PRRC2B: variants seen among roughly 807,000 people sequenced by gnomAD.
PRRC2B encodes the protein protein PRRC2B.
A neutral mutation model predicts 242.3 loss-of-function variants in PRRC2B; 68 were observed. The ratio of observed to expected loss-of-function variants is 0.28; its 90% CI spans 0.23 to 0.34. The LOEUF (loss-of-function observed/expected upper bound fraction) is 0.34. PRRC2B is among the 10% of genes least tolerant of loss of function. The pLI is 1.00. For synonymous variants in PRRC2B, 1,228 were observed against 1,173.6 expected, an observed-to-expected ratio of 1.05 and a Z score of -0.95; for missense variants, 2,835 against 2,954.8, an observed-to-expected ratio of 0.96 and a Z score of 0.94.
At chr9:131,390,909 C>A (rs1415908504), upstream of PRRC2B, among the ~76,000 whole-genome samples, 1 of 150,036 alleles carries the variant, frequency 6.7e-6, no homozygotes, top group East Asian at 2.0e-4. Flanking sequence ...GCCTCAGCTT[C>A]TTGAGTAGCT....
intron 1 of PRRC2B, among the ~76,000 whole-genome samples, chr9:131,425,871 T>C (rs544200113): frequency 6.6e-6 from 1 of 151,496 alleles, no homozygotes; most frequent in African/African-American, 2.4e-5. Flanking sequence ...TAGCTGGGCA[T>C]GGTGGTTCAC....
intron 1 of PRRC2B, among the ~76,000 whole-genome samples, chr9:131,403,497 G>A (rs1837279355): frequency 6.6e-6 from 1 of 151,616 alleles, no homozygotes; most frequent in Non-Finnish European, 1.5e-5. Flanking sequence ...GAGTACAGGT[G>A]CATCCCGCCA....
At chr9:131,481,600 C>T (rs1328108390) in intron 19 of PRRC2B, 126 bp from the exon 20 acceptor site, 7 of 729,424 alleles carry the variant, frequency 9.6e-6, no homozygotes, top group South Asian at 1.6e-5. Context: ...GCTGGGGTGG[C>T]GGGTGCAGGG....
Position 131,482,810 on chromosome 9 carries a change from G to A in PRRC2B, c.5276G>A (p.Arg1759Gln), listed in dbSNP as rs752997678. 5 of 1,609,112 alleles carry A rather than the reference G, an allele frequency of 3.1e-6. No individual in the cohort carries two copies. Among genetic ancestry groups the A allele is most frequent in the East Asian group, 2.2e-5 (1 of 44,658 alleles). The change falls in exon 22 of 32, where the codon CGG becomes CAG. Residue 1759 changes from arginine to glutamine, a missense_variant. By Grantham distance (43) the Arg-to-Gln change is conservative. Transcript: ENST00000683519. The surrounding 1 kb of genome is among the most constrained non-coding windows in gnomAD (Gnocchi z 5.2). Reference protein sequence around the residue: ...KNRKGSEGAERLQGAVVPPVN... With the variant: ...KNRKGSEGAEQLQGAVVPPVN... ...AGAAAGGGCTCGGAGGGGGCCGAGC[G>A]GCTGCAAGGGGCTGTCGTCCCGCCT...
intron 1 of PRRC2B, among the ~76,000 whole-genome samples, chr9:131,421,248 G>T (rs1324171568): frequency 1.3e-5 from 2 of 152,136 alleles, no homozygotes; most frequent in Non-Finnish European, 2.9e-5. Flanking sequence ...AGTGACACAG[G>T]GTCTGGCACA....
chr9:131,397,742 A>G (rs1339990907), intron 1 of PRRC2B, among the ~76,000 whole-genome samples: 5 of 152,090 alleles, frequency 3.3e-5, no homozygotes, highest in Non-Finnish European at 7.4e-5. Flanking sequence ...TCTGAATTCA[A>G]TAATGAGGCT....
intron 4 of PRRC2B, among the ~76,000 whole-genome samples, 157 bp downstream of exon 4, chr9:131,436,879 C>CA (rs534524945): frequency 0.01 from 1,527 of 152,286 alleles, 23 homozygotes; most frequent in Non-Finnish European, 0.013. Context: ...AGAAAACCGT[C>CA]ATGGGAAACC....
At position 131,495,830 on chromosome 9, in the gene PRRC2B, G is replaced by A. The variant is rs752662612; in HGVS notation, c.6646G>A (p.Ala2216Thr). 5 of 1,612,732 alleles carry A rather than the reference G, an allele frequency of 3.1e-6. No homozygotes were observed. Among genetic ancestry groups the A allele is most frequent in the East Asian group, 2.2e-5 (1 of 44,848 alleles). Residue 2216 changes from alanine to threonine, a missense_variant, in exon 32 of 32, where the codon GCG becomes ACG. By Grantham distance (58) the Ala-to-Thr change is moderately conservative. This residue lies in a region of PRRC2B where 574 missense variants were observed against 626.0 expected (regional missense o/e 0.92). Transcript: ENST00000683519. ...TGCCTCCCAGATGAAGCGAACCGGA[G>A]CGATCAAGCCTCGGGCTGTCAAAGT... ...SAASQMKRTG[A>T]IKPRAVKVEE...
At chr9:131,426,634 T>A (rs1837984087) in intron 1 of PRRC2B, among the ~76,000 whole-genome samples, 1 of 152,142 alleles carries the variant, frequency 6.6e-6, no homozygotes, top group Admixed American at 6.5e-5. Flanking sequence ...CACGTGGGAC[T>A]GACTCCCATT....
chr9:131,457,674 G>T (rs1943121728), intron 10 of PRRC2B, among the ~76,000 whole-genome samples: 1 of 151,766 alleles, frequency 6.6e-6, no homozygotes, highest in African/African-American at 2.4e-5. Flanking sequence ...ACCATCCATG[G>T]GTCCACCAGT....
intron 8 of PRRC2B, 56 bp from the exon 9 acceptor site, chr9:131,447,606 T>A: frequency 8.9e-6 from 13 of 1,453,484 alleles, no homozygotes; most frequent in Non-Finnish European, 1.2e-5. Flanking sequence ...GAAAGGTATT[T>A]GATTTTGCTT....
rs1322822868 is a variant in PRRC2B, at chr9:131,474,916, C to G, written c.2787C>G (p.His929Gln). ...AGCCCCGGAGCTCCAGCAGCCAGCA[C>G]CCGGAGCAGACGGGCAGGACCCGGA... ...TPEPRSSSSQ[H>Q]PEQTGRTRRS... Residue 929 changes from histidine to glutamine, a missense_variant, in exon 16 of 32, where the codon CAC becomes CAG. Coordinates refer to ENST00000683519, the MANE Select transcript of PRRC2B (RefSeq NM_013318.4). 6.3e-7 allele frequency: 1 copy of G among 1,594,966 alleles called. No individual in the cohort carries two copies. Among genetic ancestry groups the G allele is most frequent in the Non-Finnish European group, 8.5e-7 (1 of 1,171,336 alleles).
intron 25 of PRRC2B, chr9:131,485,642 G>T (rs970524954): frequency 1.9e-6 from 1 of 534,966 alleles, no homozygotes; most frequent in Non-Finnish European, 3.7e-6. Context: ...GAAGCGTGGG[G>T]GTTTTGAGGG....
At chr9:131,405,477 C>T (rs888035515) in intron 1 of PRRC2B, among the ~76,000 whole-genome samples, 1 of 152,132 alleles carries the variant, frequency 6.6e-6, no homozygotes, top group Non-Finnish European at 1.5e-5. Context: ...GGCGCTTTTG[C>T]AGCTCCTGAT....
intron 1 of PRRC2B, among the ~76,000 whole-genome samples, chr9:131,398,845 G>T (rs1837139895): frequency 6.6e-6 from 1 of 152,264 alleles, no homozygotes; most frequent in South Asian, 2.1e-4. Flanking sequence ...GGGTATAGTG[G>T]CGCATGCCTG....
At chr9:131,437,700 G>A (rs1276726905) in intron 4 of PRRC2B, among the ~76,000 whole-genome samples, 1 of 152,218 alleles carries the variant, frequency 6.6e-6, no homozygotes, top group Non-Finnish European at 1.5e-5. Flanking sequence ...ACACTGAACC[G>A]TGCTTTTAAA....
At chr9:131,414,654 T>G (rs1837597115) in intron 1 of PRRC2B, among the ~76,000 whole-genome samples, 1 of 150,140 alleles carries the variant, frequency 6.7e-6, no homozygotes, top group Non-Finnish European at 1.5e-5. Flanking sequence ...CACTGCAACC[T>G]CTACCTCCCG....
intron 10 of PRRC2B, among the ~76,000 whole-genome samples, chr9:131,458,791 C>T (rs973907017): frequency 1.1e-4 from 16 of 152,228 alleles, no homozygotes; most frequent in Admixed American, 2.0e-4. Flanking sequence ...GCGTGAGCCA[C>T]TACGCCCAGG....
At chr9:131,467,395 C>G (rs1943427780) in intron 12 of PRRC2B, among the ~76,000 whole-genome samples, 168 bp from the exon 13 acceptor site, 1 of 152,156 alleles carries the variant, frequency 6.6e-6, no homozygotes, top group African/African-American at 2.4e-5. Context: ...TGGGGAGTCC[C>G]TGAGCTTGTG....
Sources: gnomAD v4.1 joint callset for allele counts (sites outside exome capture counted in the v4.1 genomes callset) on GRCh38, gnomAD v4.1.1 for gene constraint, gnomAD v4.1.1 regional missense constraint, Gnocchi (gnomAD v3.1) non-coding constraint, MANE v1.5 for transcripts, NCBI Gene and HGNC (gene_info 2026-07-23, HGNC 2026-07-21) for gene names.